SERPINI1: variants seen among roughly 807,000 people sequenced by gnomAD.
SERPINI1 encodes the protein neuroserpin.
Under a neutral mutation model 41.1 loss-of-function variants are expected in SERPINI1, and 19 were observed. The observed-to-expected ratio is 0.46, with a 90% CI of 0.32 to 0.68. The LOEUF is 0.68. Ranked by LOEUF, SERPINI1 falls within the 30% of genes least tolerant of loss-of-function variation. SERPINI1 has a pLI of 0.03. For synonymous variants in SERPINI1, 138 were observed against 156.6 expected, an observed-to-expected ratio of 0.88 and a Z score of 0.89; for missense variants, 460 against 479.2, an observed-to-expected ratio of 0.96 and a Z score of 0.37.
rs1712473175 is a variant in SERPINI1, at chr3:167,825,125, AAGG to A, written c.1157-120_1157-118del. On this transcript the variant is annotated intron_variant, in intron 8 of 8. Coordinates refer to ENST00000446050, the MANE Select transcript of SERPINI1 (RefSeq NM_001122752.2). ...AGAGGAAGGAAGGAAGGACAGGAGG[AAGG>A]AAGGAAGGAAGGAAGGAAGGAGAAA... The A allele has an allele frequency of 3.6e-5, 24 of 671,808 alleles. No individual in the cohort carries two copies. In the South Asian group the frequency reaches 4.0e-4, roughly 11 times the overall value. 41.6% of individuals were successfully genotyped at this position (671,808 alleles called of 1,614,324 possible).
In SERPINI1 at chr3:167,786,224, C is replaced by T. The variant is rs532578690; in HGVS notation, c.-18-2887C>T. On this transcript the variant is annotated intron_variant, in intron 1 of 8. Coordinates refer to ENST00000446050, the MANE Select transcript of SERPINI1 (RefSeq NM_001122752.2). ...GATATAAGACTTGGAGAAGATAGGC[C>T]GGGTGTGGTGGCTCACGCCTGTAAT... Among the ~76,000 whole-genome samples the T allele has an allele frequency of 1.1e-3, 160 of 152,132 alleles. 1 individual carries two copies. The highest frequency in any genetic ancestry group is 1.9e-3 in the Admixed American group (29 of 15,286).
chr3:167,794,955 TCTC>T, intron 5 of SERPINI1, 131 bp downstream of exon 5: 1 of 723,268 alleles, frequency 1.4e-6, no homozygotes, highest in East Asian at 2.7e-5. Flanking sequence ...TTCTTGTTCT[TCTC>T]CTTCTCTTTC....
intron 1 of SERPINI1, among the ~76,000 whole-genome samples, chr3:167,746,724 G>A (rs11717419): frequency 0.21 from 32,073 of 152,126 alleles, 3,583 homozygotes; most frequent in African/African-American, 0.24. Flanking sequence ...CACAAACTAG[G>A]ATGACTAAAG....
intron 1 of SERPINI1, among the ~76,000 whole-genome samples, chr3:167,765,704 C>A (rs1726541077): frequency 6.6e-6 from 1 of 152,196 alleles, no homozygotes; most frequent in Admixed American, 6.5e-5. Flanking sequence ...TGTCAGGCTG[C>A]AAATTTTCTG....
Position 167,789,215 on chromosome 3 carries a change from G to T in SERPINI1, c.87G>T (p.Leu29Phe), listed in dbSNP as rs746261781. The change falls in exon 2 of 9, where the codon TTG becomes TTT. Residue 29 changes from leucine (L) to phenylalanine (F), a missense_variant. Leu to Phe is a conservative substitution (Grantham distance 22). Transcript: ENST00000446050. The part of the protein sequence containing the change: ...ATFPEEAIAD[L>F]SVNMYNRLRA... ...TCCCTGAGGAAGCCATTGCTGACTT[G>T]TCAGTGAATATGTATAATCGTCTTA... 2 of 1,614,156 alleles carry T rather than the reference G, an allele frequency of 1.2e-6. No homozygotes were observed. The highest frequency in any genetic ancestry group is 1.7e-5 in the Admixed American group (1 of 60,024).
chr3:167,793,913 TTTACCTAA>T (rs1356738771), intron 4 of SERPINI1, among the ~76,000 whole-genome samples: 3 of 150,710 alleles, frequency 2.0e-5, no homozygotes, highest in African/African-American at 7.4e-5. Flanking sequence ...AATTGCCTCA[TTTACCTAA>T]TTACCTAATT....
intron 5 of SERPINI1, among the ~76,000 whole-genome samples, chr3:167,795,354 T>C (rs1727677231): frequency 6.6e-6 from 1 of 152,168 alleles, no homozygotes; most frequent in Non-Finnish European, 1.5e-5. Context: ...AAGAATAAGA[T>C]GCACACAATG....
At chr3:167,772,893 TACACACACACACACAC>T (rs71176658) in intron 1 of SERPINI1, among the ~76,000 whole-genome samples, 1,337 of 52,222 alleles carry the variant, frequency 0.026, 35 homozygotes, top group African/African-American at 0.046. Context: ...TATATATATA[TACACACACACACACAC>T]ACACACACAC....
chr3:167,769,590 C>T (rs971281142), intron 1 of SERPINI1, among the ~76,000 whole-genome samples: 1 of 152,082 alleles, frequency 6.6e-6, no homozygotes, highest in Non-Finnish European at 1.5e-5. Flanking sequence ...AATCCCAGCC[C>T]TAAAGATTAT....
At chr3:167,790,753 A>G in intron 3 of SERPINI1, 151 bp downstream of exon 3, 1 of 639,062 alleles carries the variant, frequency 1.6e-6, no homozygotes, top group East Asian at 2.8e-5. Context: ...ATTATGGCCT[A>G]TTTGAGAAAC....
intron 1 of SERPINI1, among the ~76,000 whole-genome samples, chr3:167,770,191 G>T (rs1726700683): frequency 6.6e-6 from 1 of 151,268 alleles, no homozygotes; most frequent in South Asian, 2.1e-4. Flanking sequence ...ATTTACATAT[G>T]AATATATGTT....
chr3:167,789,660 A>G (rs979587175), intron 2 of SERPINI1, among the ~76,000 whole-genome samples: 2 of 152,206 alleles, frequency 1.3e-5, no homozygotes, highest in African/African-American at 2.4e-5. Context: ...TTTTCAGTGT[A>G]GAGAGAGAGG....
intron 1 of SERPINI1, among the ~76,000 whole-genome samples, chr3:167,779,578 A>T (rs567690110): frequency 5.3e-5 from 8 of 152,226 alleles, no homozygotes; most frequent in Non-Finnish European, 1.2e-4. Context: ...ATAGAGTCAG[A>T]TAACCTAGAA....
At chr3:167,774,174 A>C (rs1726887806) in intron 1 of SERPINI1, among the ~76,000 whole-genome samples, 1 of 152,208 alleles carries the variant, frequency 6.6e-6, no homozygotes, top group Admixed American at 6.5e-5. Flanking sequence ...GAAAGTTCTC[A>C]TCTTCAGCTT....
chr3:167,820,272 G>C (rs982548313), intron 6 of SERPINI1, among the ~76,000 whole-genome samples: 1 of 152,192 alleles, frequency 6.6e-6, no homozygotes, highest in African/African-American at 2.4e-5. Flanking sequence ...GGAGGGAGGA[G>C]CAGCCAGGGC....
intron 6 of SERPINI1, among the ~76,000 whole-genome samples, chr3:167,816,867 C>T (rs1487797827): frequency 6.6e-6 from 1 of 151,948 alleles, no homozygotes; most frequent in African/African-American, 2.4e-5. Flanking sequence ...AACAAAGATA[C>T]AGAAATGACA....
chr3:167,762,587 C>G (rs974796616), intron 1 of SERPINI1, among the ~76,000 whole-genome samples: 1 of 152,134 alleles, frequency 6.6e-6, no homozygotes, highest in African/African-American at 2.4e-5. Flanking sequence ...CAGACTCATT[C>G]CTCAGCATTT....
intron 1 of SERPINI1, among the ~76,000 whole-genome samples, chr3:167,766,388 C>T (rs1404629213): frequency 6.6e-6 from 1 of 152,140 alleles, no homozygotes; most frequent in Non-Finnish European, 1.5e-5. Context: ...TTAAAACCAT[C>T]AGATCCCTTG....
intron 1 of SERPINI1, among the ~76,000 whole-genome samples, chr3:167,787,383 C>A (rs1427542385): frequency 6.6e-6 from 1 of 152,196 alleles, no homozygotes; most frequent in Non-Finnish European, 1.5e-5. Flanking sequence ...TTGTGCTATA[C>A]TTTTATACAA....
Sources: gnomAD v4.1 joint callset for allele counts (sites outside exome capture counted in the v4.1 genomes callset) on GRCh38, gnomAD v4.1.1 for gene constraint, MANE v1.5 for transcripts, NCBI Gene and HGNC (gene_info 2026-07-23, HGNC 2026-07-21) for gene names.